Variants in GDPGP1 observed in about 807,000 individuals in gnomAD.
GDPGP1 encodes the protein GDP-D-glucose phosphorylase C15orf58.
Under a neutral mutation model 19.2 loss-of-function variants are expected in GDPGP1, and 18 were observed. The ratio of observed to expected loss-of-function variants is 0.94; its 90% CI spans 0.65 to 1.39. The LOEUF (loss-of-function observed/expected upper bound fraction) is 1.39, where lower values mean the gene tolerates loss of function less well. Among genes scored for constraint, GDPGP1 ranks in the 40% most tolerant of loss-of-function variants. GDPGP1 has a pLI of 0.00. For synonymous variants in GDPGP1, 219 were observed against 208.9 expected (o/e 1.05, Z -0.42); for missense variants, 449 against 490.5 (o/e 0.92, Z 0.80).
chr15:90,241,162 C>A lies in GDPGP1; in HGVS notation c.254C>A (p.Thr85Asn). The change falls in exon 4 of 4, where the codon ACC becomes AAC. Residue 85 changes from threonine (T) to asparagine (N), a missense_variant. Physicochemically the swap from Thr to Asn is moderately conservative, Grantham distance 65. Transcript: ENST00000329600. Reference protein sequence around the residue: ...LFRYRLRELQTQILPGAVGFV... With the variant: ...LFRYRLRELQNQILPGAVGFV... The stretch of plus-strand genomic sequence containing the variant: ...CGCTACCGTCTACGGGAGCTACAGA[C>A]CCAAATCCTCCCTGGTGCTGTGGGT... 6.2e-7 allele frequency: 1 copy of A among 1,614,180 alleles called. No individual in the cohort carries two copies. Among genetic ancestry groups the A allele is most frequent in the Non-Finnish European group, 8.5e-7 (1 of 1,180,032 alleles).
intron 2 of GDPGP1, among the ~76,000 whole-genome samples, chr15:90,236,763 C>T (rs1219382279): frequency 6.6e-6 from 1 of 151,782 alleles, no homozygotes; most frequent in East Asian, 1.9e-4. Context: ...GTCTCGATCT[C>T]CTGATCTCTT....
rs760570865 is a variant in GDPGP1, at chr15:90,241,160, G to A, written c.252G>A (p.Gln84=). Reference sequence around the variant, plus strand: ...TTCGCTACCGTCTACGGGAGCTACAGACCCAAATCCTCCCTGGTGCTGTGG... The same window carrying A: ...TTCGCTACCGTCTACGGGAGCTACAAACCCAAATCCTCCCTGGTGCTGTGG... ...GLFRYRLREL[Q]TQILPGAVGF... is the part of the protein sequence containing the mutation. Residue 84 remains glutamine (Q), a synonymous_variant, in exon 4 of 4, where the codon CAG becomes CAA. Coordinates refer to ENST00000329600, the MANE Select transcript of GDPGP1 (RefSeq NM_001013657.3). 6.8e-6 allele frequency: 11 copies of A among 1,614,096 alleles called. No individual in the cohort carries two copies. Among genetic ancestry groups the A allele is most frequent in the Non-Finnish European group, 9.3e-6 (11 of 1,180,046 alleles).
chr15:90,239,768 G>C (rs1962711267), intron 3 of GDPGP1, among the ~76,000 whole-genome samples: 3 of 152,216 alleles, frequency 2.0e-5, no homozygotes, highest in Admixed American at 2.0e-4. Flanking sequence ...GACTGCAATG[G>C]TGCGATCTCG....
Position 90,241,447 on chromosome 15 carries a change from G to A in GDPGP1, c.539G>A (p.Arg180His), listed in dbSNP as rs557009666. Residue 180 changes from arginine (R) to histidine (H), a missense_variant, in exon 4 of 4, where the codon CGC (arginine) becomes CAC (histidine). Coordinates refer to ENST00000329600, the MANE Select transcript of GDPGP1 (RefSeq NM_001013657.3). ...VPEPARQLPQ[R>H]LLPGALRAGI... is the part of the protein sequence containing the mutation. ...GAGCCTGCCCGCCAGCTCCCCCAGC[G>A]CCTGCTGCCGGGTGCACTGAGGGCA... 1.1e-5 allele frequency: 18 copies of A among 1,613,354 alleles called. No homozygotes were observed. Among genetic ancestry groups the A allele is most frequent in the African/African-American group, 4.0e-5 (3 of 74,932 alleles).
rs913066007 is a variant in GDPGP1 at position 90,238,486 on chromosome 15, A to G, written c.-66-6A>G. 1 of 152,210 alleles carries G rather than the reference A, an allele frequency of 6.6e-6. No homozygotes were observed. The highest frequency in any genetic ancestry group is 1.5e-5 in the Non-Finnish European group (1 of 68,048). 9.4% of individuals were successfully genotyped at this position (152,210 alleles called of 1,614,324 possible). A position where few individuals can be genotyped will look rare whatever the true frequency, so the allele number is the denominator to read the frequency against. On this transcript the variant is annotated splice_polypyrimidine_tract_variant and splice_region_variant and intron_variant, in intron 2 of 3. Coordinates refer to ENST00000329600, the MANE Select transcript of GDPGP1 (RefSeq NM_001013657.3). ...TTTGTTTCCTTTCTGTTTTATTAAC[A>G]TGAAGTTTCTGGAGCAGCAGAGCTG...
rs1962820143 is a variant in GDPGP1, at chr15:90,244,052, G to C, written c.*1986G>C. The C allele has an allele frequency of 6.6e-6, 1 of 151,818 alleles. No individual in the cohort carries two copies. The highest frequency in any genetic ancestry group is 6.6e-5 in the Admixed American group (1 of 15,202). The allele number at this position is 151,818 out of a possible 1,614,324, so 9.4% of individuals were successfully genotyped here. A position where few individuals can be genotyped will look rare whatever the true frequency, so the allele number is the denominator to read the frequency against. On this transcript the variant is annotated 3_prime_UTR_variant, in exon 4 of 4. Transcript: ENST00000329600. ...CTGCCTCCTGGGTTCAAGCAATTCAGCCTGAGTCTTCTTAATACCCCCATT... is the reference window on the plus strand; with the variant it reads ...CTGCCTCCTGGGTTCAAGCAATTCACCCTGAGTCTTCTTAATACCCCCATT...
Position 90,243,713 on chromosome 15 carries a change from A to T in GDPGP1, c.*1647A>T, listed in dbSNP as rs188330394. On this transcript the variant is annotated 3_prime_UTR_variant, in exon 4 of 4. Transcript: ENST00000329600. ...ACCCAGGCTGGAGTGCAGTGGTATGAAGACAGCTAACTGCAAGCTTCAACC... is the reference window on the plus strand; with the variant it reads ...ACCCAGGCTGGAGTGCAGTGGTATGTAGACAGCTAACTGCAAGCTTCAACC... 1 of 139,586 alleles carries T rather than the reference A, an allele frequency of 7.2e-6. No homozygotes were observed. Among genetic ancestry groups the T allele is most frequent in the East Asian group, 2.1e-4 (1 of 4,768 alleles). 8.6% of individuals were successfully genotyped at this position (139,586 alleles called of 1,614,324 possible). A position where few individuals can be genotyped will look rare whatever the true frequency, so the allele number is the denominator to read the frequency against.
chr15:90,242,369 C>A lies in GDPGP1; in HGVS notation c.*303C>A. The A allele has an allele frequency of 4.8e-6, 1 of 209,094 alleles. No individual in the cohort carries two copies. Among genetic ancestry groups the A allele is most frequent in the Non-Finnish European group, 9.4e-6 (1 of 106,898 alleles). 13.0% of individuals were successfully genotyped at this position (209,094 alleles called of 1,614,324 possible). A position where few individuals can be genotyped will look rare whatever the true frequency, so the allele number is the denominator to read the frequency against. On this transcript the variant is annotated 3_prime_UTR_variant, in exon 4 of 4. Coordinates refer to ENST00000329600, the MANE Select transcript of GDPGP1 (RefSeq NM_001013657.3). ...TGAACTCTTGGGCTGAAGCAGTCCT[C>A]CCACCTCGGCCTCCCAAAGTACTGA...
Position 90,242,148 on chromosome 15 carries a change from TATG to T in GDPGP1, c.*85_*87del, listed in dbSNP as rs1291804950. On this transcript the variant is annotated 3_prime_UTR_variant, in exon 4 of 4. Transcript: ENST00000329600. ...CTGTCCCCAGGCTAGAGTGTAGTGG[TATG>T]ATCCTGGCTCACTGTAGCCTCCACC... is the stretch of plus-strand genomic sequence containing the variant. 2 of 1,202,560 alleles carry T rather than the reference TATG, an allele frequency of 1.7e-6. No homozygotes were observed. The highest frequency in any genetic ancestry group is 3.1e-5 in the African/African-American group (2 of 65,488). The allele number at this position is 1,202,560 out of a possible 1,614,324, so 74.5% of individuals were successfully genotyped here. A position where few individuals can be genotyped will look rare whatever the true frequency, so the allele number is the denominator to read the frequency against.
At chr15:90,235,224 ATG>A (rs1962607317) in intron 2 of GDPGP1, among the ~76,000 whole-genome samples, 1 of 152,156 alleles carries the variant, frequency 6.6e-6, no homozygotes, top group Non-Finnish European at 1.5e-5. Context: ...CCTTGGCAGC[ATG>A]TGTTTGATAA....
chr15:90,240,804 A>T, intron 3 of GDPGP1, 96 bp from the exon 4 acceptor site: 1 of 753,794 alleles, frequency 1.3e-6, no homozygotes, highest in Non-Finnish European at 2.1e-6. Context: ...ACAGAGTGAG[A>T]CTCCATCTCA....
Position 90,241,577 on chromosome 15 carries a change from C to A in GDPGP1, c.669C>A (p.Tyr223Ter), listed in dbSNP as rs763282865. 5.6e-6 allele frequency: 9 copies of A among 1,613,416 alleles called. 1 individual carries two copies. The South Asian group carries it at 9.9e-5, about 18-fold the overall frequency. Residue 223 changes from tyrosine to a stop codon, truncating the protein, a stop_gained, in exon 4 of 4, where the codon TAC becomes TAA. Coordinates refer to ENST00000329600, the MANE Select transcript of GDPGP1 (RefSeq NM_001013657.3). LOFTEE classifies it high-confidence loss of function. Reference protein sequence around the residue: ...SVNHLHLHGYYLAHRLPVEQA... With the variant: ...SVNHLHLHGY ...ACCACCTCCACCTGCATGGCTATTA[C>A]CTGGCCCACAGACTGCCCGTGGAGC...
intron 3 of GDPGP1, among the ~76,000 whole-genome samples, chr15:90,238,880 G>A (rs1020073465): frequency 1.3e-5 from 2 of 152,158 alleles, no homozygotes; most frequent in Non-Finnish European, 2.9e-5. Flanking sequence ...TCTGAGCCAT[G>A]GGAATTTGAG....
chr15:90,243,119 A>G lies in GDPGP1; in HGVS notation c.*1053A>G, dbSNP rs11630881. The G allele has an allele frequency of 0.16, 24,829 of 152,116 alleles. 2,196 individuals carry two copies. The highest frequency in any genetic ancestry group is 0.22 in the African/African-American group (8,921 of 41,474). 9.4% of individuals were successfully genotyped at this position (152,116 alleles called of 1,614,324 possible). A position where few individuals can be genotyped will look rare whatever the true frequency, so the allele number is the denominator to read the frequency against. ...TGATATCAAATGTTAGCACGGTAAT[A>G]GTGCCTGTGCCTCCAGTATTGAGCT... is the stretch of plus-strand genomic sequence containing the variant. On this transcript the variant is annotated 3_prime_UTR_variant, in exon 4 of 4. Coordinates refer to ENST00000329600, the MANE Select transcript of GDPGP1 (RefSeq NM_001013657.3).
intron 3 of GDPGP1, among the ~76,000 whole-genome samples, chr15:90,239,757 GGA>G (rs1962710995): frequency 6.6e-6 from 1 of 152,172 alleles, no homozygotes; most frequent in African/African-American, 2.4e-5. Context: ...TGTCCAGGCT[GGA>G]CTGCAATGGT....
At chr15:90,239,808 C>T (rs1313073569) in intron 3 of GDPGP1, among the ~76,000 whole-genome samples, 2 of 152,272 alleles carry the variant, frequency 1.3e-5, no homozygotes, top group Non-Finnish European at 1.5e-5. Context: ...GCCTGTAGTT[C>T]CAGATACTTG....
Position 90,245,017 on chromosome 15 carries a change from CT to C in GDPGP1, c.*2952del, listed in dbSNP as rs1375469010. 1 of 152,296 alleles carries C rather than the reference CT, an allele frequency of 6.6e-6. No homozygotes were observed. Among genetic ancestry groups the C allele is most frequent in the Non-Finnish European group, 1.5e-5 (1 of 68,114 alleles). The allele number at this position is 152,296 out of a possible 1,614,324, so 9.4% of individuals were successfully genotyped here. A position where few individuals can be genotyped will look rare whatever the true frequency, so the allele number is the denominator to read the frequency against. ...GGTTTTGATTTCTCTGCCTCCCAAA[CT>C]GTGGGTCCTAGCCCTGGCTTAGGCC... is the stretch of plus-strand genomic sequence containing the variant. On this transcript the variant is annotated 3_prime_UTR_variant, in exon 4 of 4. Transcript: ENST00000329600.
rs759096556 is a variant in GDPGP1, at chr15:90,242,028, G to A, written c.1120G>A (p.Ala374Thr). Residue 374 changes from alanine to threonine, a missense_variant, in exon 4 of 4, where the codon GCA becomes ACA. Transcript: ENST00000329600. ...LPPSQAEDVQ[A>T]ALVALMSQEE... ...CCCATCCCAGGCAGAAGACGTACAG[G>A]CAGCACTGGTGGCCCTGATGTCCCA... 1 of 1,613,360 alleles carries A rather than the reference G, an allele frequency of 6.2e-7. No individual in the cohort carries two copies. Among genetic ancestry groups the A allele is most frequent in the Admixed American group, 1.7e-5 (1 of 59,896 alleles).
intron 2 of GDPGP1, among the ~76,000 whole-genome samples, chr15:90,237,949 T>C (rs1333547547): frequency 1.3e-5 from 2 of 152,132 alleles, no homozygotes. Flanking sequence ...TAGCTTCACT[T>C]TTTTGTTGTT....
Sources: gnomAD v4.1 joint callset for allele counts (sites outside exome capture counted in the v4.1 genomes callset) on GRCh38, gnomAD v4.1.1 for gene constraint, MANE v1.5 for transcripts, NCBI Gene and HGNC (gene_info 2026-07-23, HGNC 2026-07-21) for gene names.